FAM3C: variants seen among roughly 807,000 people sequenced by gnomAD.
FAM3C encodes the protein protein FAM3C.
A neutral mutation model predicts 32.5 loss-of-function variants in FAM3C; 15 were observed. The observed-to-expected ratio is 0.46, with a 90% CI of 0.31 to 0.71. The LOEUF (loss-of-function observed/expected upper bound fraction) is 0.71. Ranked by LOEUF, FAM3C falls within the 30% of genes least tolerant of loss-of-function variation. The probability of loss-of-function intolerance (pLI) is 0.05; values close to 1 mark genes in which losing one functional copy is unlikely to be tolerated. For synonymous variants in FAM3C, 75 were observed against 86.1 expected, an observed-to-expected ratio of 0.87 and a Z score of 0.72; for missense variants, 175 against 274.4, an observed-to-expected ratio of 0.64 and a Z score of 2.56.
In FAM3C at chr7:121,354,925, TG is replaced by T. The variant is rs1400716842; in HGVS notation, c.468-3657del. Among the ~76,000 whole-genome samples the T allele has an allele frequency of 1.2e-4, 19 of 152,322 alleles. No individual in the cohort carries two copies. The South Asian group carries it at 1.7e-3, about 13-fold the overall frequency. On this transcript the variant is annotated intron_variant, in intron 8 of 9. Transcript: ENST00000359943. ...GTGCTATCATAGGGATGTTTTATGATGGACTCAAACTTAAGAAAGGAAGTGT... is the reference window on the plus strand; with the variant it reads ...GTGCTATCATAGGGATGTTTTATGATGACTCAAACTTAAGAAAGGAAGTGT...
At chr7:121,392,684 TA>T (rs1358907618) in intron 1 of FAM3C, among the ~76,000 whole-genome samples, 1 of 152,234 alleles carries the variant, frequency 6.6e-6, no homozygotes, top group Non-Finnish European at 1.5e-5. Flanking sequence ...CCTGACACCA[TA>T]ACACTACCTT....
chr7:121,377,869 T>C (rs1794270415), intron 3 of FAM3C, among the ~76,000 whole-genome samples: 1 of 152,184 alleles, frequency 6.6e-6, no homozygotes, highest in African/African-American at 2.4e-5. Flanking sequence ...GGCTATACCA[T>C]CTAGATTTGT....
chr7:121,353,843 C>A (rs962710059), intron 8 of FAM3C, among the ~76,000 whole-genome samples: 4 of 152,202 alleles, frequency 2.6e-5, no homozygotes, highest in South Asian at 2.1e-4. Flanking sequence ...GTCCCATGAA[C>A]CTTTTCCCTT....
chr7:121,377,055 T>C lies in FAM3C; in HGVS notation c.118+1855A>G, dbSNP rs576620559. Among the ~76,000 whole-genome samples, 140 of 152,278 alleles carry C rather than the reference T, an allele frequency of 9.2e-4. 1 individual carries two copies. Among genetic ancestry groups the C allele is most frequent in the African/African-American group, 3.2e-3 (133 of 41,560 alleles). On this transcript the variant is annotated intron_variant, in intron 3 of 9. Transcript: ENST00000359943. ...GTAGTCCCATAATCCCTATGTGTCA[T>C]GGGAGGGACCTAGTGGGAAGTAATT...
At chr7:121,378,112 T>G (rs991973835) in intron 3 of FAM3C, among the ~76,000 whole-genome samples, 1 of 152,202 alleles carries the variant, frequency 6.6e-6, no homozygotes, top group Admixed American at 6.5e-5. Flanking sequence ...CAATAAGATA[T>G]TCATATACAA....
intron 8 of FAM3C, among the ~76,000 whole-genome samples, chr7:121,358,653 G>A (rs1793861838): frequency 6.6e-6 from 1 of 151,914 alleles, no homozygotes; most frequent in African/African-American, 2.4e-5. Context: ...GTGTGTCATG[G>A]GGAAATTACA....
chr7:121,375,931 G>T (rs1008295019), intron 3 of FAM3C, among the ~76,000 whole-genome samples: 1 of 152,118 alleles, frequency 6.6e-6, no homozygotes, highest in Non-Finnish European at 1.5e-5. Flanking sequence ...AGAAAAATAT[G>T]TGCAACTTGC....
chr7:121,362,941 GT>G lies in FAM3C; in HGVS notation c.337del (p.Thr113GlnfsTer5). On this transcript the variant is annotated frameshift_variant, in exon 7 of 10. Coordinates refer to ENST00000359943, the MANE Select transcript of FAM3C (RefSeq NM_014888.3). LOFTEE classifies it high-confidence loss of function. ...GINVALANGK[T>X]GEVLDTKYFD... ...ATATTTAGTGTCTAATACTTCTCCT[GT>G]TTTTCCTAAAAGAGATTAAATTCAT... The G allele has an allele frequency of 1.3e-6, 2 of 1,487,972 alleles. No individual in the cohort carries two copies. The highest frequency in any genetic ancestry group is 1.9e-6 in the Non-Finnish European group (2 of 1,070,902). The allele number at this position is 1,487,972 out of a possible 1,614,324, so 92.2% of individuals were successfully genotyped here. A position where few individuals can be genotyped will look rare whatever the true frequency, so the allele number is the denominator to read the frequency against.
chr7:121,375,887 C>T (rs898289279), intron 3 of FAM3C, among the ~76,000 whole-genome samples: 5 of 152,172 alleles, frequency 3.3e-5, no homozygotes, highest in African/African-American at 1.2e-4. Flanking sequence ...TCATCCAAGG[C>T]CTATAGACAA....
chr7:121,394,670 GA>G (rs1483725151), intron 1 of FAM3C, among the ~76,000 whole-genome samples: 1 of 152,146 alleles, frequency 6.6e-6, no homozygotes, highest in Non-Finnish European at 1.5e-5. Flanking sequence ...AAGAATCTGT[GA>G]AACAAAGCTT....
intron 8 of FAM3C, among the ~76,000 whole-genome samples, chr7:121,354,470 AG>A (rs1222391099): frequency 2.0e-5 from 3 of 152,222 alleles, no homozygotes; most frequent in Non-Finnish European, 4.4e-5. Flanking sequence ...CTAGAAAGGG[AG>A]GAAGTGGGAA....
intron 1 of FAM3C, among the ~76,000 whole-genome samples, chr7:121,388,575 G>A (rs1280743520): frequency 2.0e-5 from 3 of 151,982 alleles, no homozygotes; most frequent in African/African-American, 4.8e-5. Flanking sequence ...TATAAACAAT[G>A]GGTCAAGTGA....
chr7:121,384,850 C>T (rs1794435194), intron 1 of FAM3C, among the ~76,000 whole-genome samples: 1 of 152,158 alleles, frequency 6.6e-6, no homozygotes. Flanking sequence ...CAAGAATCTA[C>T]ATCAGGATAG....
Position 121,351,137 on chromosome 7 carries a change from A to G in FAM3C, c.594+6T>C. On this transcript the variant is annotated splice_donor_region_variant and intron_variant, in intron 9 of 9. Coordinates refer to ENST00000359943, the MANE Select transcript of FAM3C (RefSeq NM_014888.3). ...TTTGTTAATTCTGAGAGTCTATGACACTAACCTGTTCAAAAGGGCTTTTTG... is the reference window on the plus strand; with the variant it reads ...TTTGTTAATTCTGAGAGTCTATGACGCTAACCTGTTCAAAAGGGCTTTTTG... 6.2e-7 allele frequency: 1 copy of G among 1,612,714 alleles called. No homozygotes were observed. The highest frequency in any genetic ancestry group is 1.1e-5 in the South Asian group (1 of 90,984).
At chr7:121,362,543 T>C (rs1171024750) in intron 7 of FAM3C, among the ~76,000 whole-genome samples, 1 of 152,134 alleles carries the variant, frequency 6.6e-6, no homozygotes, top group Non-Finnish European at 1.5e-5. Flanking sequence ...CTTACATTGG[T>C]TATTCTGGTC....
intron 1 of FAM3C, among the ~76,000 whole-genome samples, chr7:121,394,156 CAGTATTTTT>C (rs1159490761): frequency 1.3e-5 from 2 of 152,112 alleles, no homozygotes; most frequent in African/African-American, 4.8e-5. Flanking sequence ...GTAGGCACTC[CAGTATTTTT>C]AAGAGTATAA....
rs552902427 is a variant in FAM3C, at chr7:121,372,232, CA to C, written c.119-94del. 242 of 781,992 alleles carry C rather than the reference CA, an allele frequency of 3.1e-4. 1 individual carries two copies. The African/African-American group carries it at 3.9e-3, about 13-fold the overall frequency. The allele number at this position is 781,992 out of a possible 1,614,324, so 48.4% of individuals were successfully genotyped here. On this transcript the variant is annotated intron_variant, in intron 3 of 9. Transcript: ENST00000359943. ...ATTTAGGTCCACAAAAATAAGTGTTCAAATAATGATTCAGTATACAATAAAA... is the reference window on the plus strand; with the variant it reads ...ATTTAGGTCCACAAAAATAAGTGTTCAATAATGATTCAGTATACAATAAAA...
intron 1 of FAM3C, among the ~76,000 whole-genome samples, chr7:121,394,450 T>C (rs1371039695): frequency 6.6e-6 from 1 of 152,140 alleles, no homozygotes; most frequent in Non-Finnish European, 1.5e-5. Context: ...GCCAGTAGTG[T>C]CTTATTTTTA....
At chr7:121,358,340 T>A (rs150929311) in intron 8 of FAM3C, among the ~76,000 whole-genome samples, 158 of 152,188 alleles carry the variant, frequency 1.0e-3, no homozygotes, top group African/African-American at 3.7e-3. Context: ...TCAATTAAAA[T>A]CTATAAAATC....
Sources: gnomAD v4.1 joint callset for allele counts (sites outside exome capture counted in the v4.1 genomes callset) on GRCh38, gnomAD v4.1.1 for gene constraint, MANE v1.5 for transcripts, NCBI Gene and HGNC (gene_info 2026-07-23, HGNC 2026-07-21) for gene names.